CELF2: variants seen among roughly 807,000 people sequenced by gnomAD.
CELF2 encodes the protein CUG triplet repeat RNA-binding protein 2.
CELF2 carries 8 observed loss-of-function variants against 62.6 expected under a neutral mutation model. That is an observed-to-expected ratio of 0.13 (90% CI 0.07 to 0.23). The LOEUF is 0.23. CELF2 is among the 10% of genes least tolerant of loss of function. CELF2 has a pLI of 1.00. For synonymous variants in CELF2, 258 were observed against 250.0 expected, an observed-to-expected ratio of 1.03 and a Z score of -0.30; for missense variants, 333 against 671.0, an observed-to-expected ratio of 0.50 and a Z score of 5.56.
At chr10:11,060,580 C>G (rs1181699710) in intron 1 of CELF2, among the ~76,000 whole-genome samples, 1 of 152,200 alleles carries the variant, frequency 6.6e-6, no homozygotes, top group African/African-American at 2.4e-5. Context: ...AGATAGAATA[C>G]AGGTGCACCT....
intron 1 of CELF2, among the ~76,000 whole-genome samples, chr10:10,878,067 C>T (rs1239479069): frequency 6.6e-6 from 1 of 152,186 alleles, no homozygotes. Context: ...CTACCAGAGC[C>T]TGAGGCAATC....
intron 1 of CELF2, among the ~76,000 whole-genome samples, chr10:10,857,059 G>A (rs2059758634): frequency 6.6e-6 from 1 of 152,058 alleles, no homozygotes; most frequent in East Asian, 1.9e-4. Context: ...AACAGCAAAG[G>A]AAGGGGAAAC....
chr10:11,273,404 C>T (rs1050509153), intron 7 of CELF2, among the ~76,000 whole-genome samples: 2 of 152,118 alleles, frequency 1.3e-5, no homozygotes, highest in Non-Finnish European at 2.9e-5. Context: ...GTTGCGTGCT[C>T]CTTATGAGAA....
At chr10:10,530,287 A>C in the CELF2 span, among the ~76,000 whole-genome samples, 510 of 152,316 alleles carry the variant, frequency 3.3e-3, 2 homozygotes, top group Middle Eastern at 0.017. Flanking sequence ...GATTGTGAGG[A>C]GATGTGCTCT....
intron 1 of CELF2, among the ~76,000 whole-genome samples, chr10:11,021,656 A>G (rs1044876893): frequency 2.6e-5 from 4 of 152,202 alleles, no homozygotes; most frequent in Admixed American, 2.6e-4. Flanking sequence ...TATTGCCCAC[A>G]TTTTACAGAT....
chr10:11,311,407 GA>G lies in CELF2; in HGVS notation c.977-2729del, dbSNP rs2094553217. On this transcript the variant is annotated intron_variant, in intron 9 of 12. Transcript: ENST00000633077. The surrounding 1 kb of genome is among the most constrained non-coding windows in gnomAD (Gnocchi z 4.7). ...CAACCCAGGCCTCAAATTATTCCTA[GA>G]AATAAAGTTCCAAGATATTTAAGCT... 6.6e-6 allele frequency among the ~76,000 whole-genome samples: 1 copy of G among 151,914 alleles called. No individual in the cohort carries two copies. The highest frequency in any genetic ancestry group is 6.6e-5 in the Admixed American group (1 of 15,246).
intron 1 of CELF2, among the ~76,000 whole-genome samples, chr10:10,865,476 A>C (rs192702155): frequency 5.3e-5 from 8 of 152,358 alleles, no homozygotes; most frequent in African/African-American, 1.7e-4. Context: ...AAGCCTTTTA[A>C]GTCTATGTTG....
chr10:10,704,266 A>C, the CELF2 span, among the ~76,000 whole-genome samples: 2 of 152,212 alleles, frequency 1.3e-5, no homozygotes, highest in South Asian at 4.2e-4. Flanking sequence ...CATTGTCAAA[A>C]CAAATAGAGG....
chr10:10,950,712 T>C (rs936431986), intron 2 of CELF2, among the ~76,000 whole-genome samples: 4 of 152,236 alleles, frequency 2.6e-5, no homozygotes, highest in Admixed American at 2.0e-4. Flanking sequence ...GCATTGCAAC[T>C]TTCCTGATTA....
chr10:10,626,829 A>T, the CELF2 span, among the ~76,000 whole-genome samples: 1 of 152,232 alleles, frequency 6.6e-6, no homozygotes, highest in African/African-American at 2.4e-5. Context: ...GAATTTTAAG[A>T]TGCTGATTAT....
the CELF2 span, among the ~76,000 whole-genome samples, chr10:10,516,092 G>A: frequency 6.6e-5 from 10 of 152,230 alleles, no homozygotes; most frequent in South Asian, 2.1e-4. Context: ...GGTGACTGGC[G>A]TTTGCTAGGC....
intron 2 of CELF2, among the ~76,000 whole-genome samples, chr10:10,961,153 T>TA (rs570581472): frequency 8.6e-4 from 131 of 151,820 alleles, no homozygotes; most frequent in Middle Eastern, 3.4e-3. Context: ...TTCTTTTTCC[T>TA]AAAAAAAAGA....
chr10:11,227,000 A>G (rs568838733), intron 3 of CELF2, among the ~76,000 whole-genome samples: 4 of 152,256 alleles, frequency 2.6e-5, no homozygotes, highest in South Asian at 4.1e-4. Flanking sequence ...GCTCCGTCCA[A>G]CTGTCCTCGC....
In CELF2 at chr10:10,957,644, C is replaced by T. The variant is rs534173132; in HGVS notation, c.89+37645C>T. Among the ~76,000 whole-genome samples, 2 of 152,318 alleles carry T rather than the reference C, an allele frequency of 1.3e-5. No individual in the cohort carries two copies. Among genetic ancestry groups the T allele is most frequent in the Admixed American group, 6.5e-5 (1 of 15,304 alleles). On this transcript the variant is annotated intron_variant, in intron 2 of 13. Coordinates refer to the CELF2 transcript ENST00000636488. This position sits in a 1 kb window ranked among gnomAD's most constrained non-coding sequence, Gnocchi z 4.1. ...GAACACGTTCAGGATCACTTCTGTG[C>T]TCCCGATGTAGTAAAATGACTCATA...
At chr10:11,123,687 G>A (rs1225417079) in intron 1 of CELF2, among the ~76,000 whole-genome samples, 2 of 152,192 alleles carry the variant, frequency 1.3e-5, no homozygotes, top group Non-Finnish European at 2.9e-5. Flanking sequence ...AAAAGAGCCT[G>A]CTACCCCCAT....
At chr10:11,222,821 GT>G (rs1468273567) in intron 3 of CELF2, among the ~76,000 whole-genome samples, 2 of 152,194 alleles carry the variant, frequency 1.3e-5, no homozygotes, top group Non-Finnish European at 2.9e-5. Context: ...TATTTCAAAT[GT>G]TCCAAAATAT....
chr10:11,118,818 T>A (rs1207163951), intron 1 of CELF2, among the ~76,000 whole-genome samples: 1 of 152,230 alleles, frequency 6.6e-6, no homozygotes, highest in African/African-American at 2.4e-5. Flanking sequence ...CTTGAATCAT[T>A]TGAGCAGGAG....
intron 4 of CELF2, among the ~76,000 whole-genome samples, chr10:11,253,956 C>T (rs981050491): frequency 6.6e-6 from 1 of 152,012 alleles, no homozygotes; most frequent in Non-Finnish European, 1.5e-5. Flanking sequence ...TTCCTTAAAG[C>T]ACCTAGCAGA....
At chr10:10,487,388 A>G in the CELF2 span, among the ~76,000 whole-genome samples, 3 of 152,320 alleles carry the variant, frequency 2.0e-5, no homozygotes, top group Admixed American at 2.0e-4. Flanking sequence ...TACAAAGCCA[A>G]ACAGCAGCCT....
Sources: allele counts gnomAD v4.1 joint callset (sites outside exome capture counted in the v4.1 genomes callset), GRCh38; gene constraint gnomAD v4.1.1; non-coding constraint Gnocchi (gnomAD v3.1); transcripts MANE v1.5; gene names NCBI Gene and HGNC (gene_info 2026-07-23, HGNC 2026-07-21).